Variants in LNX1 observed in about 807,000 individuals in gnomAD.
LNX1 encodes E3 ubiquitin-protein ligase LNX.
A neutral mutation model predicts 68.4 loss-of-function variants in LNX1; 54 were observed. That is an observed-to-expected ratio of 0.79 (90% CI 0.63 to 0.99). LNX1 has a LOEUF of 0.99. Among genes scored for constraint, LNX1 ranks in the 50% least tolerant of loss-of-function variants. The pLI, the probability that LNX1 is intolerant of heterozygous loss-of-function variation, is 0.00. For synonymous variants in LNX1, 336 were observed against 350.0 expected (o/e 0.96, Z 0.45); for missense variants, 906 against 926.4 (o/e 0.98, Z 0.29).
Position 53,574,075 on chromosome 4 carries a change from A to C in LNX1, c.-73T>G. On this transcript the variant is annotated 5_prime_UTR_variant, in exon 2 of 11. Coordinates refer to ENST00000263925, the MANE Select transcript of LNX1 (RefSeq NM_001126328.3). ...CCTCAGGAGCAAGTCAAGATCTAGG[A>C]GACATCCACACACCTAAAAAAGAAC... 6.5e-7 allele frequency: 1 copy of C among 1,527,178 alleles called. No homozygotes were observed. Among genetic ancestry groups the C allele is most frequent in the Non-Finnish European group, 8.8e-7 (1 of 1,139,232 alleles). The allele number at this position is 1,527,178 out of a possible 1,614,324, so 94.6% of individuals were successfully genotyped here. A position where few individuals can be genotyped will look rare whatever the true frequency, so the allele number is the denominator to read the frequency against.
exon 1 of LNX1, chr4:53,652,268 TTC>T (rs1735138535): frequency 6.6e-6 from 1 of 152,256 alleles, no homozygotes; most frequent in African/African-American, 2.4e-5. Flanking sequence ...CGGAAAATTT[TTC>T]TTTCTCTTTC....
intron 1 of LNX1, among the ~76,000 whole-genome samples, chr4:53,631,625 G>A (rs1734276082): frequency 6.6e-6 from 1 of 152,160 alleles, no homozygotes; most frequent in Non-Finnish European, 1.5e-5. Flanking sequence ...AGAGACTTAA[G>A]AAGTCCCTGA....
chr4:53,602,370 G>C (rs1733054154), intron 2 of LNX1, among the ~76,000 whole-genome samples: 1 of 152,204 alleles, frequency 6.6e-6, no homozygotes, highest in South Asian at 2.1e-4. Context: ...ACCAGTGAAG[G>C]AGAGGAGGGA....
At position 53,600,609 on chromosome 4, in the gene LNX1, A is replaced by T. The variant is rs550080410; in HGVS notation, c.-214-9094T>A. On this transcript the variant is annotated intron_variant, in intron 2 of 3. Transcript: ENST00000504299. ...GTCAGATTCCGACTAACAGGGTCTC[A>T]ATATAATAATAGGGGAAGTTCATTT... is the stretch of plus-strand genomic sequence containing the variant. Among the ~76,000 whole-genome samples the T allele has an allele frequency of 2.0e-5, 3 of 152,296 alleles. No individual in the cohort carries two copies. The South Asian group carries it at 6.2e-4, about 32-fold the overall frequency.
Position 53,481,869 on chromosome 4 carries a change from ACAGG to A in LNX1, c.1351-19_1351-16del. The A allele has an allele frequency of 6.4e-7, 1 of 1,570,070 alleles. No homozygotes were observed. Among genetic ancestry groups the A allele is most frequent in the South Asian group, 1.2e-5 (1 of 85,766 alleles). On this transcript the variant is annotated splice_polypyrimidine_tract_variant and intron_variant, in intron 6 of 10. Coordinates refer to ENST00000263925, the MANE Select transcript of LNX1 (RefSeq NM_001126328.3). The stretch of plus-strand genomic sequence containing the variant: ...CTTTCACTGGCCTGGGCAAGAAGAC[ACAGG>A]CATTAGCCACTGTCAGTTTCCATCC...
intron 2 of LNX1, among the ~76,000 whole-genome samples, chr4:53,608,287 T>C (rs549480224): frequency 1.3e-5 from 2 of 152,172 alleles, no homozygotes; most frequent in South Asian, 2.1e-4. Context: ...AACAACCACA[T>C]TAAAAAGTAG....
intron 2 of LNX1, among the ~76,000 whole-genome samples, chr4:53,570,984 G>A (rs556766250): frequency 8.0e-5 from 12 of 150,558 alleles, no homozygotes; most frequent in African/African-American, 1.5e-4. Flanking sequence ...CAGAGATCGC[G>A]CCACTGCACT....
intron 1 of LNX1, among the ~76,000 whole-genome samples, chr4:53,587,575 G>A (rs1252669425): frequency 6.6e-6 from 1 of 152,180 alleles, no homozygotes; most frequent in Non-Finnish European, 1.5e-5. Flanking sequence ...ACACTTTAGA[G>A]CATCTCTTAT....
intron 2 of LNX1, among the ~76,000 whole-genome samples, chr4:53,512,496 G>GTC (rs1281845256): frequency 1.9e-5 from 1 of 51,640 alleles, no homozygotes; most frequent in African/African-American, 5.9e-5. Context: ...TTGTGTGTGT[G>GTC]TGTGTGTGTG....
chr4:53,460,920 C>A lies in LNX1; in HGVS notation c.2174G>T (p.Gly725Val). 1 of 1,607,402 alleles carries A rather than the reference C, an allele frequency of 6.2e-7. No individual in the cohort carries two copies. Among genetic ancestry groups the A allele is most frequent in the South Asian group, 1.1e-5 (1 of 89,310 alleles). ...CCATCATTGATTCTATAAAAAAGTG[C>A]CAGGCCAAGAAACAATAGTTAGAGT... The part of the protein sequence containing the change: ...RITLTIVSWP[G>V]TFL The change falls in exon 11 of 11, where the codon GGC becomes GTC. Residue 725 changes from glycine to valine, a missense_variant. By Grantham distance (109) the Gly-to-Val change is moderately radical. Coordinates refer to ENST00000263925, the MANE Select transcript of LNX1 (RefSeq NM_001126328.3).
chr4:53,611,315 C>T (rs1224283975), intron 2 of LNX1, among the ~76,000 whole-genome samples: 1 of 151,776 alleles, frequency 6.6e-6, no homozygotes, highest in African/African-American at 2.4e-5. Context: ...CTAAAATATG[C>T]AAAAGGAGAA....
At chr4:53,627,252 G>A (rs1734111090) in intron 1 of LNX1, among the ~76,000 whole-genome samples, 1 of 152,180 alleles carries the variant, frequency 6.6e-6, no homozygotes, top group Non-Finnish European at 1.5e-5. Context: ...TGATGACCTT[G>A]GAGGTTCCCT....
chr4:53,560,926 G>T (rs1209998214), intron 2 of LNX1, among the ~76,000 whole-genome samples: 1 of 152,190 alleles, frequency 6.6e-6, no homozygotes, highest in Non-Finnish European at 1.5e-5. Flanking sequence ...AACAGAGATT[G>T]CTCCATGGCT....
At chr4:53,488,177 A>G (rs1184656789) in intron 6 of LNX1, among the ~76,000 whole-genome samples, 1 of 152,178 alleles carries the variant, frequency 6.6e-6, no homozygotes, top group Non-Finnish European at 1.5e-5. Flanking sequence ...AGTACCCCCA[A>G]TGACAGGGAG....
chr4:53,586,037 C>T (rs1183948628), intron 1 of LNX1, among the ~76,000 whole-genome samples: 2 of 152,036 alleles, frequency 1.3e-5, no homozygotes, highest in South Asian at 4.1e-4. Context: ...CAACTCTACC[C>T]TATTAGAAAA....
chr4:53,636,404 A>C (rs1734480835), intron 1 of LNX1, among the ~76,000 whole-genome samples: 1 of 152,096 alleles, frequency 6.6e-6, no homozygotes, highest in South Asian at 2.1e-4. Flanking sequence ...AAATGCTGGC[A>C]GAGGAACTGT....
chr4:53,589,509 C>T (rs778788782), intron 1 of LNX1, among the ~76,000 whole-genome samples: 6 of 152,198 alleles, frequency 3.9e-5, no homozygotes, highest in Non-Finnish European at 7.3e-5. Flanking sequence ...AAGGAAGAAC[C>T]TAGCCTCAGT....
intron 2 of LNX1, chr4:53,524,337 T>G (rs1021200165): frequency 2.0e-5 from 3 of 152,152 alleles, no homozygotes; most frequent in African/African-American, 7.2e-5. Flanking sequence ...GCAGAAAAAG[T>G]GGCACTTAAG....
chr4:53,462,149 A>G (rs944015043), intron 9 of LNX1, among the ~76,000 whole-genome samples: 1 of 152,112 alleles, frequency 6.6e-6, no homozygotes, highest in African/African-American at 2.4e-5. Context: ...GAATGGAAAC[A>G]GAAACGTTTA....
Sources: gnomAD v4.1 joint callset for allele counts (sites outside exome capture counted in the v4.1 genomes callset) on GRCh38, gnomAD v4.1.1 for gene constraint, MANE v1.5 for transcripts, NCBI Gene and HGNC (gene_info 2026-07-23, HGNC 2026-07-21) for gene names.